NSD1: variants seen among roughly 807,000 people sequenced by gnomAD.
The protein encoded by NSD1 is histone-lysine N-methyltransferase, H3 lysine-36 specific.
NSD1 carries 26 observed loss-of-function variants against 242.7 expected under a neutral mutation model. The ratio of observed to expected loss-of-function variants is 0.11; its 90% CI spans 0.08 to 0.15. NSD1 has a LOEUF of 0.15. Ranked by LOEUF, NSD1 falls within the 10% of genes least tolerant of loss-of-function variation. NSD1 has a pLI of 1.00. For synonymous variants in NSD1, 1,106 were observed against 1,178.1 expected (o/e 0.94, Z 1.25); for missense variants, 2,495 against 3,272.8 (o/e 0.76, Z 5.80).
At position 177,238,766 on chromosome 5, in the gene NSD1, T is replaced by C. The variant is rs987315594; in HGVS notation, c.4192+259T>C. On this transcript the variant is annotated intron_variant, in intron 7 of 22. Coordinates refer to ENST00000439151, the MANE Select transcript of NSD1 (RefSeq NM_022455.5). This position sits in a 1 kb window ranked among gnomAD's most constrained non-coding sequence, Gnocchi z 4.6. Reference sequence around the variant, plus strand: ...CTTCATGATTGTTGATCAGCCACTGTGTAAATTAACAACCAGGATAACAGG... The same window carrying C: ...CTTCATGATTGTTGATCAGCCACTGCGTAAATTAACAACCAGGATAACAGG... Among the ~76,000 whole-genome samples the C allele has an allele frequency of 1.4e-4, 22 of 152,230 alleles. No homozygotes were observed. The highest frequency in any genetic ancestry group is 5.3e-4 in the African/African-American group (22 of 41,454).
At chr5:177,293,631 G>A (rs1760029626) in intron 22 of NSD1, among the ~76,000 whole-genome samples, 2 of 141,948 alleles carry the variant, frequency 1.4e-5, no homozygotes, top group Admixed American at 7.7e-5. Flanking sequence ...TTGATAATTC[G>A]CTGTTACTTT....
chr5:177,185,418 T>C (rs2149812860), intron 2 of NSD1, among the ~76,000 whole-genome samples: 1 of 151,472 alleles, frequency 6.6e-6, no homozygotes, highest in African/African-American at 2.4e-5. Flanking sequence ...GCCAACATGG[T>C]GAAACCCTGT....
intron 11 of NSD1, 24 bp downstream of exon 11, chr5:177,248,348 T>C: frequency 6.2e-7 from 1 of 1,609,960 alleles, no homozygotes; most frequent in East Asian, 2.2e-5. Context: ...TGCCCACTTG[T>C]GTTTTCATTG....
chr5:177,215,996 G>A (rs1191775777), intron 5 of NSD1, among the ~76,000 whole-genome samples: 1 of 152,076 alleles, frequency 6.6e-6, no homozygotes, highest in Non-Finnish European at 1.5e-5. Context: ...GAGTAGCTGG[G>A]AGTACAGGTG....
intron 1 of NSD1, 65 bp from the exon 2 acceptor site, chr5:177,135,022 C>T: frequency 7.0e-7 from 1 of 1,430,144 alleles, no homozygotes; most frequent in Non-Finnish European, 9.9e-7. Context: ...AAGTGGCTGC[C>T]ATTTTAAAGA....
chr5:177,196,947 A>G (rs1762143293), intron 3 of NSD1, among the ~76,000 whole-genome samples: 1 of 152,248 alleles, frequency 6.6e-6, no homozygotes, highest in Non-Finnish European at 1.5e-5. Context: ...CTGTACATAC[A>G]TACCTATTAT....
intron 2 of NSD1, among the ~76,000 whole-genome samples, chr5:177,161,562 T>G (rs1758750262): frequency 6.6e-6 from 1 of 152,104 alleles, no homozygotes; most frequent in Admixed American, 6.6e-5. Context: ...TGGGCTCAAG[T>G]AATCCTTCCA....
At chr5:177,179,372 C>A (rs887001314) in intron 2 of NSD1, among the ~76,000 whole-genome samples, 1 of 152,100 alleles carries the variant, frequency 6.6e-6, no homozygotes, top group Non-Finnish European at 1.5e-5. Flanking sequence ...TGCGCCACCA[C>A]GCCCAGCTGA....
intron 2 of NSD1, among the ~76,000 whole-genome samples, chr5:177,186,553 C>T (rs1442312624): frequency 6.6e-6 from 1 of 151,878 alleles, no homozygotes; most frequent in African/African-American, 2.4e-5. Context: ...TCCAAAATTC[C>T]TTTAAACAGA....
At chr5:177,230,473 C>G (rs747045870) in intron 5 of NSD1, among the ~76,000 whole-genome samples, 25 of 152,098 alleles carry the variant, frequency 1.6e-4, no homozygotes, top group Middle Eastern at 3.4e-3. Flanking sequence ...GAAGCCTAGT[C>G]TGAGAAGTTA....
At chr5:177,170,916 T>C (rs1759649202) in intron 2 of NSD1, among the ~76,000 whole-genome samples, 1 of 151,968 alleles carries the variant, frequency 6.6e-6, no homozygotes, top group Non-Finnish European at 1.5e-5. Context: ...TCATATAATA[T>C]TTATCTGTTT....
rs569914153 is a variant in NSD1, at chr5:177,171,017, T to TA, written c.928-20852dup. The stretch of plus-strand genomic sequence containing the variant: ...CTTCTTGCTTGATAATTTACCATGT[T>TA]AAAAAAAAAAAAAAAGGAAACCGGG... On this transcript the variant is annotated intron_variant, in intron 2 of 22. Coordinates refer to ENST00000439151, the MANE Select transcript of NSD1 (RefSeq NM_022455.5). Among the ~76,000 whole-genome samples the TA allele has an allele frequency of 6.5e-3, 893 of 136,386 alleles. 3 individuals are homozygous for TA. The highest frequency in any genetic ancestry group is 0.017 in the African/African-American group (619 of 37,098). The allele number at this position is 136,386 out of a possible 152,430, so 89.5% of individuals were successfully genotyped here. A position where few individuals can be genotyped will look rare whatever the true frequency, so the allele number is the denominator to read the frequency against.
At chr5:177,253,109 CT>C (rs1033280891) in intron 12 of NSD1, among the ~76,000 whole-genome samples, 1 of 152,010 alleles carries the variant, frequency 6.6e-6, no homozygotes, top group Non-Finnish European at 1.5e-5. Context: ...TGAAGAGAGG[CT>C]TTTGTATGTG....
At chr5:177,158,997 T>TTTATATATATATATATATATGAA (rs1758457978) in intron 2 of NSD1, among the ~76,000 whole-genome samples, 1 of 63,334 alleles carries the variant, frequency 1.6e-5, no homozygotes, top group African/African-American at 1.3e-4. Context: ...TATGAATGAT[T>TTTATATATATATATATATATGAA]TTATATATAT....
chr5:177,249,286 C>T (rs369179774), intron 11 of NSD1, among the ~76,000 whole-genome samples: 3 of 152,134 alleles, frequency 2.0e-5, no homozygotes, highest in South Asian at 2.1e-4. Context: ...CCAGTCTGGG[C>T]AGCACAGCGA....
intron 5 of NSD1, among the ~76,000 whole-genome samples, chr5:177,230,720 G>A (rs1764991731): frequency 6.6e-6 from 1 of 151,724 alleles, no homozygotes; most frequent in Non-Finnish European, 1.5e-5. Flanking sequence ...CCAGCTACTC[G>A]GGAGACTGAG....
chr5:177,239,177 G>C (rs1282862329), intron 7 of NSD1, among the ~76,000 whole-genome samples: 1 of 152,096 alleles, frequency 6.6e-6, no homozygotes, highest in Non-Finnish European at 1.5e-5. Flanking sequence ...AGCTTTTGAT[G>C]TTATTCCTTA....
At chr5:177,225,854 C>A (rs945385111) in intron 5 of NSD1, among the ~76,000 whole-genome samples, 4 of 152,102 alleles carry the variant, frequency 2.6e-5, no homozygotes, top group African/African-American at 7.2e-5. Context: ...TTCCTCCCAA[C>A]CCTGTACCTC....
At chr5:177,266,374 G>T (rs1757464442) in intron 14 of NSD1, 2 of 680,132 alleles carry the variant, frequency 2.9e-6, no homozygotes, top group Non-Finnish European at 5.5e-6. Context: ...GGCCTTGGCG[G>T]CGAACATGCA....
Sources: gnomAD v4.1 joint callset for allele counts (sites outside exome capture counted in the v4.1 genomes callset) on GRCh38, gnomAD v4.1.1 for gene constraint, Gnocchi (gnomAD v3.1) non-coding constraint, MANE v1.5 for transcripts, NCBI Gene and HGNC (gene_info 2026-07-23, HGNC 2026-07-21) for gene names.